RBFOX3: variants seen among roughly 807,000 people sequenced by gnomAD.
RBFOX3 encodes RNA binding fox-1 homolog 3, also known as RNA binding protein fox-1 homolog 3.
In RBFOX3, 17 loss-of-function variants were observed where a neutral mutation model predicts 48.7. The observed-to-expected ratio is 0.35, with a 90% CI of 0.24 to 0.52. The LOEUF is 0.52. Among genes scored for constraint, RBFOX3 ranks in the 20% least tolerant of loss-of-function variants. RBFOX3 has a pLI of 0.94. For missense variants in RBFOX3, 382 were observed against 497.5 expected (o/e 0.77, Z 2.21); for synonymous variants, 212 against 209.5 (o/e 1.01, Z -0.10).
At chr17:79,422,119 C>T (rs541869941) in intron 2 of RBFOX3, among the ~76,000 whole-genome samples, 4 of 151,954 alleles carry the variant, frequency 2.6e-5, no homozygotes, top group African/African-American at 9.7e-5. Flanking sequence ...GGGTGTGGGC[C>T]GGGGAGGAGA....
chr17:79,332,968 CAGAA>C (rs2080618352), intron 2 of RBFOX3, among the ~76,000 whole-genome samples: 1 of 131,868 alleles, frequency 7.6e-6, no homozygotes, highest in Non-Finnish European at 1.6e-5. Flanking sequence ...AAGAGACAGA[CAGAA>C]AGAGGTAGAG....
chr17:79,664,347 G>GTT, the RBFOX3 span, among the ~76,000 whole-genome samples: 1 of 134,916 alleles, frequency 7.4e-6, no homozygotes. Context: ...GCTAATTTTT[G>GTT]TATTTTTTTT....
intron 4 of RBFOX3, among the ~76,000 whole-genome samples, chr17:79,221,792 C>T (rs955154564): frequency 5.3e-5 from 8 of 152,338 alleles, no homozygotes; most frequent in African/African-American, 7.2e-5. Flanking sequence ...CCTCCAAGGC[C>T]GCCGCCCATA....
intron 4 of RBFOX3, among the ~76,000 whole-genome samples, chr17:79,161,445 A>T (rs1218514051): frequency 6.6e-6 from 1 of 152,252 alleles, no homozygotes; most frequent in African/African-American, 2.4e-5. Flanking sequence ...ATGCTGCTCC[A>T]GGAAGTGACC....
At chr17:79,395,751 C>T (rs2061911127) in intron 2 of RBFOX3, among the ~76,000 whole-genome samples, 1 of 152,236 alleles carries the variant, frequency 6.6e-6, no homozygotes, top group African/African-American at 2.4e-5. Flanking sequence ...TCAACAACAG[C>T]AAGTGGCTGA....
intron 3 of RBFOX3, among the ~76,000 whole-genome samples, chr17:79,257,250 C>T (rs2065025043): frequency 6.6e-6 from 1 of 152,196 alleles, no homozygotes; most frequent in Non-Finnish European, 1.5e-5. Context: ...TCCCCAAGCC[C>T]CGAGCCCCGG....
At position 79,105,830 on chromosome 17, in the gene RBFOX3, C is replaced by T. The variant is rs530928716; in HGVS notation, c.360+821G>A. On this transcript the variant is annotated intron_variant, in intron 6 of 14. Coordinates refer to ENST00000693108, the MANE Select transcript of RBFOX3 (RefSeq NM_001350451.2). ...GTTTGGAGGGAGGGAAGAAACACGG[C>T]CGGGCTGCGTGGTCCTCTGTGGCCA... is the stretch of plus-strand genomic sequence containing the variant. 9.9e-5 allele frequency among the ~76,000 whole-genome samples: 15 copies of T among 152,266 alleles called. No individual in the cohort carries two copies. The East Asian group carries it at 2.9e-3, about 30-fold the overall frequency.
At chr17:79,576,571 T>C (rs1047122713) in intron 1 of RBFOX3, among the ~76,000 whole-genome samples, 2 of 149,996 alleles carry the variant, frequency 1.3e-5, no homozygotes, top group Non-Finnish European at 1.5e-5. Flanking sequence ...ATGGAGATGA[T>C]GGAGAAGGTG....
intron 14 of RBFOX3, chr17:79,092,721 G>GA (rs2074193682): frequency 2.7e-6 from 2 of 744,952 alleles, no homozygotes; most frequent in Non-Finnish European, 3.3e-6. Context: ...AAAAAAAAAG[G>GA]AAAAACAAAA....
intron 2 of RBFOX3, among the ~76,000 whole-genome samples, chr17:79,415,030 C>T (rs116849874): frequency 1.1e-4 from 16 of 152,296 alleles, no homozygotes; most frequent in Middle Eastern, 3.4e-3. Context: ...CTCATCGCCA[C>T]GGTCCACATG....
chr17:79,562,535 A>C (rs1316910805), intron 1 of RBFOX3, among the ~76,000 whole-genome samples: 1 of 152,220 alleles, frequency 6.6e-6, no homozygotes, highest in Non-Finnish European at 1.5e-5. Context: ...CATTGCTAAA[A>C]CATTTCACTC....
At chr17:79,377,344 C>T (rs2059340771) in intron 2 of RBFOX3, among the ~76,000 whole-genome samples, 1 of 152,192 alleles carries the variant, frequency 6.6e-6, no homozygotes, top group Non-Finnish European at 1.5e-5. Context: ...CTCTTACACA[C>T]AGACATGCAC....
intron 4 of RBFOX3, among the ~76,000 whole-genome samples, chr17:79,159,514 G>A (rs1202806778): frequency 6.6e-6 from 1 of 152,142 alleles, no homozygotes; most frequent in Non-Finnish European, 1.5e-5. Flanking sequence ...GAGACTCCTG[G>A]AACACCCCTG....
At chr17:79,491,296 C>A (rs2080597427) in intron 1 of RBFOX3, among the ~76,000 whole-genome samples, 1 of 151,464 alleles carries the variant, frequency 6.6e-6, no homozygotes, top group Admixed American at 6.6e-5. Flanking sequence ...GGAGATGAGA[C>A]CAGACATATA....
chr17:79,610,250 GA>G (rs1242288975), intron 1 of RBFOX3, among the ~76,000 whole-genome samples: 1 of 152,004 alleles, frequency 6.6e-6, no homozygotes, highest in African/African-American at 2.4e-5. Context: ...CCTTTCAGAG[GA>G]CCCCGGCAGG....
chr17:79,589,157 A>G (rs2093345603), intron 1 of RBFOX3, among the ~76,000 whole-genome samples: 2 of 152,240 alleles, frequency 1.3e-5, no homozygotes, highest in Non-Finnish European at 2.9e-5. Flanking sequence ...AGCTGGGGCT[A>G]CCATAACACA....
intron 2 of RBFOX3, among the ~76,000 whole-genome samples, chr17:79,440,046 C>T (rs1304582212): frequency 1.3e-5 from 2 of 151,726 alleles, no homozygotes; most frequent in African/African-American, 2.4e-5. Flanking sequence ...GCCTCACACC[C>T]GGGCCAGAGG....
In RBFOX3 at chr17:79,093,824, CACAGAG is replaced by C. The variant is rs2074541404; in HGVS notation, c.1077+621_1077+626del. Among the ~76,000 whole-genome samples the C allele has an allele frequency of 2.7e-5, 4 of 147,072 alleles. No individual in the cohort carries two copies. The South Asian group carries it at 8.5e-4, about 31-fold the overall frequency. ...ACACACACACACACACACACACACA[CACAGAG>C]ACACGCCACGCCGCGCACCTCCCCG... On this transcript the variant is annotated intron_variant, in intron 14 of 14. Coordinates refer to ENST00000693108, the MANE Select transcript of RBFOX3 (RefSeq NM_001350451.2).
chr17:79,431,547 C>T (rs1009932379), intron 2 of RBFOX3, among the ~76,000 whole-genome samples: 3 of 148,682 alleles, frequency 2.0e-5, no homozygotes, highest in African/African-American at 7.5e-5. Flanking sequence ...AGCAGTGGCA[C>T]CATCTCGGCT....
Sources: allele counts gnomAD v4.1 joint callset (sites outside exome capture counted in the v4.1 genomes callset), GRCh38; gene constraint gnomAD v4.1.1; transcripts MANE v1.5; gene names NCBI Gene and HGNC (gene_info 2026-07-23, HGNC 2026-07-21).